LHX5: variants seen among roughly 807,000 people sequenced by gnomAD.
The protein encoded by LHX5 is LIM/homeobox protein Lhx5.
LHX5 carries 5 observed loss-of-function variants against 30.6 expected under a neutral mutation model. The observed-to-expected ratio is 0.16, with a 90% CI of 0.09 to 0.34. LHX5 has a LOEUF of 0.34. Ranked by LOEUF, LHX5 falls within the 10% of genes least tolerant of loss-of-function variation. The pLI, the probability that LHX5 is intolerant of heterozygous loss-of-function variation, is 1.00. For missense variants in LHX5, 458 were observed against 570.6 expected (o/e 0.80, Z 2.01); for synonymous variants, 266 against 252.6 (o/e 1.05, Z -0.50).
In LHX5 at chr12:113,465,710, G is replaced by GA. The variant is rs940649005; in HGVS notation, c.841+1545dup. Among the ~76,000 whole-genome samples, 2 of 152,230 alleles carry GA rather than the reference G, an allele frequency of 1.3e-5. No individual in the cohort carries two copies. Among genetic ancestry groups the GA allele is most frequent in the Non-Finnish European group, 2.9e-5 (2 of 68,036 alleles). ...AACCTTGGTTAATTATCCAGGCGGG[G>GA]AAAAATTCCGGGCCGGTACCGCCCC... On this transcript the variant is annotated intron_variant, in intron 4 of 4. Coordinates refer to ENST00000261731, the MANE Select transcript of LHX5 (RefSeq NM_022363.3). This position sits in a 1 kb window ranked among gnomAD's most constrained non-coding sequence, Gnocchi z 6.7.
chr12:113,469,215 C>G lies in LHX5; in HGVS notation c.304G>C (p.Gly102Arg). 6.2e-7 allele frequency: 1 copy of G among 1,614,260 alleles called. No homozygotes were observed. The highest frequency in any genetic ancestry group is 8.5e-7 in the Non-Finnish European group (1 of 1,180,048). Reference protein sequence around the residue: ...CMVCNKQLSTGEELYVIDENK... With the variant: ...CMVCNKQLSTREELYVIDENK... Reference sequence around the variant, plus strand: ...TCGTCGATGACGTAGAGCTCCTCGCCGGTGGACAGCTGCTTGTTACACACC... The same window carrying G: ...TCGTCGATGACGTAGAGCTCCTCGCGGGTGGACAGCTGCTTGTTACACACC... The change falls in exon 2 of 5, where the codon GGC becomes CGC. Residue 102 changes from glycine to arginine, a missense_variant. Physicochemically the swap from Gly to Arg is moderately radical, Grantham distance 125. Around this residue, in one of 3 missense-constraint regions of LHX5, gnomAD observed 178 missense variants for 238.5 expected, o/e 0.75. Coordinates refer to ENST00000261731, the MANE Select transcript of LHX5 (RefSeq NM_022363.3).
At position 113,469,344 on chromosome 12, in the gene LHX5, G is replaced by T. The variant is rs202027707; in HGVS notation, c.175C>A (p.Arg59Ser). The T allele has an allele frequency of 1.9e-6, 3 of 1,610,648 alleles. No individual in the cohort carries two copies. The highest frequency in any genetic ancestry group is 1.7e-5 in the Admixed American group (1 of 59,966). Residue 59 changes from arginine to serine, a missense_variant and splice_region_variant, in exon 2 of 5, where the codon CGC (arginine) becomes AGC (serine). Physicochemically the swap from Arg to Ser is moderately radical, Grantham distance 110. This residue lies in a region of LHX5 where 178 missense variants were observed against 238.5 expected (regional missense o/e 0.75). Transcript: ENST00000261731. ...CAGCCGGCGCATTTCGTGCCAAAGCGCCTGTGGACACAATGTGCCTGTCAC... is the reference window on the plus strand; with the variant it reads ...CAGCCGGCGCATTTCGTGCCAAAGCTCCTGTGGACACAATGTGCCTGTCAC... Reference protein sequence around the residue: ...KLYCKNDFFRRFGTKCAGCAQ... With the variant: ...KLYCKNDFFRSFGTKCAGCAQ...
In LHX5 at chr12:113,471,667, C is replaced by T; in HGVS notation, c.-169G>A. ...AGTCCTTGGGCAATCTCTGGCCTGG[C>T]GCTGGGCTGCCCGGAGTGGGGTGGT... On this transcript the variant is annotated 5_prime_UTR_variant, in exon 1 of 5. Transcript: ENST00000261731. 4.6e-6 allele frequency: 3 copies of T among 652,496 alleles called. No individual in the cohort carries two copies. The highest frequency in any genetic ancestry group is 7.5e-6 in the Non-Finnish European group (3 of 399,242). 40.4% of individuals were successfully genotyped at this position (652,496 alleles called of 1,614,324 possible).
chr12:113,467,247 G>T lies in LHX5; in HGVS notation c.841+9C>A, dbSNP rs1358706758. On this transcript the variant is annotated intron_variant, in intron 4 of 4. Coordinates refer to ENST00000261731, the MANE Select transcript of LHX5 (RefSeq NM_022363.3). The surrounding 1 kb of genome is among the most constrained non-coding windows in gnomAD (Gnocchi z 6.3). ...GGTGCGGAACAGCGAATCCCGGGGC[G>T]CCCCTTACCTCCGTAGTAGGTGTAC... is the stretch of plus-strand genomic sequence containing the variant. 1 of 1,438,500 alleles carries T rather than the reference G, an allele frequency of 7.0e-7. No individual in the cohort carries two copies. Among genetic ancestry groups the T allele is most frequent in the Non-Finnish European group, 9.2e-7 (1 of 1,083,814 alleles). The allele number at this position is 1,438,500 out of a possible 1,614,324, so 89.1% of individuals were successfully genotyped here.
chr12:113,463,268 G>A lies in LHX5; in HGVS notation c.1131C>T (p.Phe377=). Residue 377 remains phenylalanine, a synonymous_variant, in exon 5 of 5, where the codon TTC becomes TTT. Coordinates refer to ENST00000261731, the MANE Select transcript of LHX5 (RefSeq NM_022363.3). The surrounding 1 kb of genome is among the most constrained non-coding windows in gnomAD (Gnocchi z 6.7). Reference sequence around the variant, plus strand: ...TGTAGCCGCTGGTGCCGCTCATTGGGAAGGGCGGGCTGGGCCCGCCGCTGA... The same window carrying A: ...TGTAGCCGCTGGTGCCGCTCATTGGAAAGGGCGGGCTGGGCCCGCCGCTGA... ...EVFSGGPSPP[F]PMSGTSGYSG... 6.5e-7 allele frequency: 1 copy of A among 1,526,966 alleles called. No homozygotes were observed. Among genetic ancestry groups the A allele is most frequent in the Non-Finnish European group, 8.8e-7 (1 of 1,141,116 alleles). The allele number at this position is 1,526,966 out of a possible 1,614,324, so 94.6% of individuals were successfully genotyped here.
At position 113,463,981 on chromosome 12, in the gene LHX5, G is replaced by A. The variant is rs1438740391; in HGVS notation, c.842-424C>T. 1.3e-5 allele frequency among the ~76,000 whole-genome samples: 2 copies of A among 152,186 alleles called. No homozygotes were observed. The highest frequency in any genetic ancestry group is 2.9e-5 in the Non-Finnish European group (2 of 68,040). ...GGGTCGGTGAGAGACACAGAGATGC[G>A]GGACAGCGAGAGACAGACGGAGAGA... On this transcript the variant is annotated intron_variant, in intron 4 of 4. Transcript: ENST00000261731. This position sits in a 1 kb window ranked among gnomAD's most constrained non-coding sequence, Gnocchi z 6.7.
Position 113,469,233 on chromosome 12 carries a change from T to C in LHX5, c.286A>G (p.Asn96Asp). The C allele has an allele frequency of 6.2e-7, 1 of 1,614,240 alleles. No homozygotes were observed. The highest frequency in any genetic ancestry group is 8.5e-7 in the Non-Finnish European group (1 of 1,180,036). The change falls in exon 2 of 5, where the codon AAC becomes GAC. Residue 96 changes from asparagine to aspartate, a missense_variant. By Grantham distance (23) the Asn-to-Asp change is conservative. This residue lies in a region of LHX5 where 178 missense variants were observed against 238.5 expected (regional missense o/e 0.75). Coordinates refer to ENST00000261731, the MANE Select transcript of LHX5 (RefSeq NM_022363.3). ...TCCTCGCCGGTGGACAGCTGCTTGTTACACACCATGCAGGTGAAACAGTTG... is the reference window on the plus strand; with the variant it reads ...TCCTCGCCGGTGGACAGCTGCTTGTCACACACCATGCAGGTGAAACAGTTG... ...HLNCFTCMVC[N>D]KQLSTGEELY...
rs537729737 is a variant in LHX5 at position 113,463,936 on chromosome 12, A to G, written c.842-379T>C. Among the ~76,000 whole-genome samples, 157 of 152,224 alleles carry G rather than the reference A, an allele frequency of 1.0e-3. 2 individuals carry two copies. Among genetic ancestry groups the G allele is most frequent in the East Asian group, 9.1e-3 (47 of 5,176 alleles). ...GGCGGCCAGAGACGCAGAGACAGAC[A>G]ATGATTCCTAAGTGTCTTAGGGTCG... On this transcript the variant is annotated intron_variant, in intron 4 of 4. Coordinates refer to ENST00000261731, the MANE Select transcript of LHX5 (RefSeq NM_022363.3). This position sits in a 1 kb window ranked among gnomAD's most constrained non-coding sequence, Gnocchi z 6.7.
chr12:113,465,311 C>T lies in LHX5; in HGVS notation c.842-1754G>A, dbSNP rs1958205933. 6.6e-6 allele frequency among the ~76,000 whole-genome samples: 1 copy of T among 152,234 alleles called. No homozygotes were observed. Among genetic ancestry groups the T allele is most frequent in the South Asian group, 2.1e-4 (1 of 4,834 alleles). ...GATGGGAGACGGCCGCGGCCCGCGG[C>T]GAGCCGGAAAACCAGCGAAGGCCGC... On this transcript the variant is annotated intron_variant, in intron 4 of 4. Transcript: ENST00000261731. The surrounding 1 kb of genome is among the most constrained non-coding windows in gnomAD (Gnocchi z 6.7).
At chr12:113,468,438 C>A (rs1378803441) in intron 2 of LHX5, 34 bp from the exon 3 acceptor site, 2 of 1,574,464 alleles carry the variant, frequency 1.3e-6, no homozygotes, top group South Asian at 1.2e-5. Context: ...GGGACAGCGG[C>A]GTCAGCGACG....
In LHX5 at chr12:113,463,144, G is replaced by A. The variant is rs1213874818; in HGVS notation, c.*46C>T. 9.7e-6 allele frequency: 14 copies of A among 1,442,916 alleles called. No homozygotes were observed. Among genetic ancestry groups the A allele is most frequent in the Middle Eastern group, 2.5e-4 (1 of 4,004 alleles). 89.4% of individuals were successfully genotyped at this position (1,442,916 alleles called of 1,614,324 possible). A position where few individuals can be genotyped will look rare whatever the true frequency, so the allele number is the denominator to read the frequency against. The stretch of plus-strand genomic sequence containing the variant: ...CGTTTTGGTTTCAGGAGGCTGCTTC[G>A]GGGCGGGGCCCCCGGGGGCCGAGCG... On this transcript the variant is annotated 3_prime_UTR_variant, in exon 5 of 5. Transcript: ENST00000261731. The surrounding 1 kb of genome is among the most constrained non-coding windows in gnomAD (Gnocchi z 6.7).
chr12:113,468,371 T>G lies in LHX5; in HGVS notation c.431A>C (p.Asp144Ala). ...SSCTDRSLSP[D>A]LQDALQDDPK... ...GTCGTCCTGCAGTGCGTCCTGGAGG[T>G]CCGGGGACAAACTGCGGTCCGTACA... Residue 144 changes from aspartate (D) to alanine (A), a missense_variant, in exon 3 of 5, where the codon GAC becomes GCC. Asp to Ala is a moderately radical substitution (Grantham distance 126). Transcript: ENST00000261731. 6.2e-7 allele frequency: 1 copy of G among 1,613,878 alleles called. No individual in the cohort carries two copies. Among genetic ancestry groups the G allele is most frequent in the Non-Finnish European group, 8.5e-7 (1 of 1,179,892 alleles).
chr12:113,469,802 C>A (rs1473368597), intron 1 of LHX5, among the ~76,000 whole-genome samples: 2 of 152,240 alleles, frequency 1.3e-5, no homozygotes, highest in African/African-American at 4.8e-5. Flanking sequence ...TAGGGCCAAT[C>A]TGCCTGGCTG....
At position 113,467,114 on chromosome 12, in the gene LHX5, T is replaced by G; in HGVS notation, c.841+142A>C. On this transcript the variant is annotated intron_variant, in intron 4 of 4. Coordinates refer to ENST00000261731, the MANE Select transcript of LHX5 (RefSeq NM_022363.3). The surrounding 1 kb of genome is among the most constrained non-coding windows in gnomAD (Gnocchi z 6.3). Reference sequence around the variant, plus strand: ...TGATTTTGTGTCCAGGACATGTGGGTGAGTGTACATGTGTCTGTGATCGTG... The same window carrying G: ...TGATTTTGTGTCCAGGACATGTGGGGGAGTGTACATGTGTCTGTGATCGTG... The G allele has an allele frequency of 1.4e-6, 1 of 705,714 alleles. No individual in the cohort carries two copies. Among genetic ancestry groups the G allele is most frequent in the Non-Finnish European group, 2.1e-6 (1 of 485,494 alleles). The allele number at this position is 705,714 out of a possible 1,614,324, so 43.7% of individuals were successfully genotyped here.
chr12:113,466,249 G>A lies in LHX5; in HGVS notation c.841+1007C>T, dbSNP rs1450612268. On this transcript the variant is annotated intron_variant, in intron 4 of 4. Transcript: ENST00000261731. The surrounding 1 kb of genome is among the most constrained non-coding windows in gnomAD (Gnocchi z 6.5). ...CAAATTCAGAAGCTTCAGAATAGAAGAGGAGAGGTGCTTTCTTGAGCCCTC... is the reference window on the plus strand; with the variant it reads ...CAAATTCAGAAGCTTCAGAATAGAAAAGGAGAGGTGCTTTCTTGAGCCCTC... Among the ~76,000 whole-genome samples the A allele has an allele frequency of 6.6e-6, 1 of 152,220 alleles. No homozygotes were observed. Among genetic ancestry groups the A allele is most frequent in the East Asian group, 1.9e-4 (1 of 5,198 alleles).
Position 113,469,318 on chromosome 12 carries a change from G to A in LHX5, c.201C>T (p.Cys67=), listed in dbSNP as rs1424763506. 18 of 1,613,564 alleles carry A rather than the reference G, an allele frequency of 1.1e-5. No homozygotes were observed. The highest frequency in any genetic ancestry group is 1.7e-4 in the Middle Eastern group (1 of 5,814). ...FRRFGTKCAG[C]AQGISPSDLV... Reference sequence around the variant, plus strand: ...GGTCGCTGGGCGAGATGCCTTGCGCGCAGCCGGCGCATTTCGTGCCAAAGC... The same window carrying A: ...GGTCGCTGGGCGAGATGCCTTGCGCACAGCCGGCGCATTTCGTGCCAAAGC... The change falls in exon 2 of 5, where the codon TGC becomes TGT. Residue 67 remains cysteine (C), a synonymous_variant. Coordinates refer to ENST00000261731, the MANE Select transcript of LHX5 (RefSeq NM_022363.3).
At position 113,464,160 on chromosome 12, in the gene LHX5, C is replaced by T. The variant is rs1958197193; in HGVS notation, c.842-603G>A. 6.6e-6 allele frequency among the ~76,000 whole-genome samples: 1 copy of T among 152,234 alleles called. No individual in the cohort carries two copies. The highest frequency in any genetic ancestry group is 2.1e-4 in the South Asian group (1 of 4,820). The stretch of plus-strand genomic sequence containing the variant: ...CCGCGGTTAGAGACACGCGTGGAAA[C>T]CCCCGGGGGCGGCAGCGAGGGAGTC... On this transcript the variant is annotated intron_variant, in intron 4 of 4. Transcript: ENST00000261731. This position sits in a 1 kb window ranked among gnomAD's most constrained non-coding sequence, Gnocchi z 6.2.
At position 113,463,095 on chromosome 12, in the gene LHX5, G is replaced by T. The variant is rs1460638065; in HGVS notation, c.*95C>A. The stretch of plus-strand genomic sequence containing the variant: ...GAGAGAACCCCCGAGGGACACCCAC[G>T]TCTCCCACCGCGTCTGCGTCGGGCG... On this transcript the variant is annotated 3_prime_UTR_variant, in exon 5 of 5. Coordinates refer to ENST00000261731, the MANE Select transcript of LHX5 (RefSeq NM_022363.3). This position sits in a 1 kb window ranked among gnomAD's most constrained non-coding sequence, Gnocchi z 6.7. The T allele has an allele frequency of 9.3e-7, 1 of 1,076,100 alleles. No individual in the cohort carries two copies. The highest frequency in any genetic ancestry group is 1.3e-6 in the Non-Finnish European group (1 of 788,088). The allele number at this position is 1,076,100 out of a possible 1,614,324, so 66.7% of individuals were successfully genotyped here. A position where few individuals can be genotyped will look rare whatever the true frequency, so the allele number is the denominator to read the frequency against.
At chr12:113,471,207 C>G in intron 1 of LHX5, 119 bp downstream of exon 1, 2 of 1,061,980 alleles carry the variant, frequency 1.9e-6, no homozygotes, top group South Asian at 1.5e-5. Flanking sequence ...TGCCCGCTCC[C>G]CATCTAAGCT....
Sources: gnomAD v4.1 joint callset for allele counts (sites outside exome capture counted in the v4.1 genomes callset) on GRCh38, gnomAD v4.1.1 for gene constraint, gnomAD v4.1.1 regional missense constraint, Gnocchi (gnomAD v3.1) non-coding constraint, MANE v1.5 for transcripts, NCBI Gene and HGNC (gene_info 2026-07-23, HGNC 2026-07-21) for gene names.